Variants in HSD17B2 observed in about 807,000 individuals in gnomAD.
The protein encoded by HSD17B2 is 17-beta-hydroxysteroid dehydrogenase type 2.
Under a neutral mutation model 26.9 loss-of-function variants are expected in HSD17B2, and 32 were observed. The observed-to-expected ratio is 1.19, with a 90% CI of 0.90 to 1.60. The LOEUF is 1.60. Ranked by LOEUF, HSD17B2 falls within the 40% of genes most tolerant of loss-of-function variation. The pLI is 0.00. For missense variants in HSD17B2, 613 were observed against 468.6 expected (o/e 1.31, Z -2.85); for synonymous variants, 246 against 186.7 (o/e 1.32, Z -2.59).
chr16:82,036,165 C>T (rs144234197), intron 1 of HSD17B2, among the ~76,000 whole-genome samples: 254 of 152,270 alleles, frequency 1.7e-3, no homozygotes, highest in African/African-American at 5.8e-3. Context: ...CTTACCTGGG[C>T]TGGAGACTTT....
At chr16:82,095,973 C>G (rs576481840) in intron 4 of HSD17B2, 1 of 152,078 alleles carries the variant, frequency 6.6e-6, no homozygotes, top group East Asian at 1.9e-4. Context: ...TAAAAATATG[C>G]ACATCTCCTT....
chr16:82,068,100 T>C lies in HSD17B2; in HGVS notation c.266-70T>C, dbSNP rs565713512. 23 of 1,321,566 alleles carry C rather than the reference T, an allele frequency of 1.7e-5. No individual in the cohort carries two copies. In the African/African-American group the frequency reaches 2.6e-4, roughly 15 times the overall value. 81.9% of individuals were successfully genotyped at this position (1,321,566 alleles called of 1,614,324 possible). On this transcript the variant is annotated intron_variant, in intron 1 of 4. Transcript: ENST00000199936. ...GAGAATCGTAAACAACGTAATATGT[T>C]TTCCTTGTTAAATATTTTCTCCTGT... is the stretch of plus-strand genomic sequence containing the variant.
intron 1 of HSD17B2, among the ~76,000 whole-genome samples, chr16:82,042,258 G>C (rs1373104663): frequency 6.6e-6 from 1 of 151,736 alleles, no homozygotes; most frequent in Non-Finnish European, 1.5e-5. Context: ...TCCCGCCTCA[G>C]CCTCCCAAAG....
intron 3 of HSD17B2, among the ~76,000 whole-genome samples, chr16:82,081,500 G>T (rs1188909712): frequency 1.3e-5 from 2 of 152,136 alleles, no homozygotes; most frequent in Non-Finnish European, 2.9e-5. Context: ...TTCACTGCCT[G>T]GTTGGGTGAC....
At chr16:82,064,511 T>C (rs1277725572) in intron 1 of HSD17B2, among the ~76,000 whole-genome samples, 2 of 152,226 alleles carry the variant, frequency 1.3e-5, no homozygotes, top group Non-Finnish European at 1.5e-5. Flanking sequence ...TCATTTATCT[T>C]GGGTACACAC....
At chr16:82,079,993 G>C (rs1406174579) in intron 3 of HSD17B2, among the ~76,000 whole-genome samples, 2 of 152,006 alleles carry the variant, frequency 1.3e-5, no homozygotes, top group Non-Finnish European at 1.5e-5. Context: ...GAAGCACGTG[G>C]TTGCCCTGAC....
intron 3 of HSD17B2, among the ~76,000 whole-genome samples, chr16:82,083,164 C>T (rs547104869): frequency 4.7e-4 from 72 of 152,310 alleles, no homozygotes; most frequent in Middle Eastern, 3.4e-3. Flanking sequence ...TAAATACACT[C>T]CTACGGGTGG....
rs1454428160 is a variant in HSD17B2, at chr16:82,044,097, C to A, written c.265+8408C>A. 2.0e-5 allele frequency among the ~76,000 whole-genome samples: 3 copies of A among 152,318 alleles called. No individual in the cohort carries two copies. The East Asian group carries it at 5.8e-4, about 29-fold the overall frequency. On this transcript the variant is annotated intron_variant, in intron 1 of 4. Coordinates refer to ENST00000199936, the MANE Select transcript of HSD17B2 (RefSeq NM_002153.3). ...CCAGAACGTTCATCATTCTATTTAG[C>A]CTCCTCTGAACCATTTCCAGTTTCT... is the stretch of plus-strand genomic sequence containing the variant.
At chr16:82,036,693 G>T (rs1324756711) in intron 1 of HSD17B2, among the ~76,000 whole-genome samples, 1 of 152,136 alleles carries the variant, frequency 6.6e-6, no homozygotes, top group South Asian at 2.1e-4. Context: ...ATTGGTGCTT[G>T]TTGGGGTTAG....
In HSD17B2 at chr16:82,068,790, C is replaced by T. The variant is rs541814537; in HGVS notation, c.478+408C>T. On this transcript the variant is annotated intron_variant, in intron 2 of 4. Coordinates refer to ENST00000199936, the MANE Select transcript of HSD17B2 (RefSeq NM_002153.3). ...CTCTTTCCTTCATGGCTACGCTCCA[C>T]GGAACCCTGTAGCTCTGTGATTCTC... 1.1e-4 allele frequency among the ~76,000 whole-genome samples: 16 copies of T among 152,330 alleles called. No individual in the cohort carries two copies. The South Asian group carries it at 2.7e-3, about 26-fold the overall frequency.
intron 3 of HSD17B2, among the ~76,000 whole-genome samples, chr16:82,080,977 C>T (rs896108760): frequency 1.4e-4 from 22 of 151,974 alleles, no homozygotes; most frequent in African/African-American, 4.8e-4. Context: ...CGAAGGTCTT[C>T]AGTTGCCAGC....
chr16:82,043,712 A>T (rs1408253302), intron 1 of HSD17B2, among the ~76,000 whole-genome samples: 1 of 150,404 alleles, frequency 6.6e-6, no homozygotes, highest in Non-Finnish European at 1.5e-5. Context: ...AAAAAAAAAA[A>T]AATCATATAG....
intron 1 of HSD17B2, among the ~76,000 whole-genome samples, chr16:82,062,760 T>C (rs1220657215): frequency 3.3e-5 from 5 of 152,244 alleles, no homozygotes; most frequent in Non-Finnish European, 5.9e-5. Context: ...CAAACACCAC[T>C]GTTGGGTAAC....
rs75648620 is a variant in HSD17B2 at position 82,051,014 on chromosome 16, A to C, written c.265+15325A>C. ...ATGAGGACAAAATCCCTGCCAACTG[A>C]TAACTACTAGCTTAAATATTAACTT... On this transcript the variant is annotated intron_variant, in intron 1 of 4. Transcript: ENST00000199936. Among the ~76,000 whole-genome samples the C allele has an allele frequency of 6.1e-3, 925 of 152,314 alleles. 12 individuals are homozygous for C. Among genetic ancestry groups the C allele is most frequent in the African/African-American group, 0.02 (836 of 41,556 alleles).
At chr16:82,045,605 C>A (rs888514879) in intron 1 of HSD17B2, among the ~76,000 whole-genome samples, 2 of 152,238 alleles carry the variant, frequency 1.3e-5, no homozygotes, top group Non-Finnish European at 2.9e-5. Flanking sequence ...GCCTTCTGGG[C>A]CATTCATTAA....
rs758338863 is a variant in HSD17B2, at chr16:82,035,648, A to T, written c.224A>T (p.Gln75Leu). 6.2e-7 allele frequency: 1 copy of T among 1,613,776 alleles called. No individual in the cohort carries two copies. The highest frequency in any genetic ancestry group is 1.7e-5 in the Admixed American group (1 of 60,006). The change falls in exon 1 of 5, where the codon CAA becomes CTA. Residue 75 changes from glutamine to leucine, a missense_variant. Gln to Leu is a moderately radical substitution (Grantham distance 113). Coordinates refer to ENST00000199936, the MANE Select transcript of HSD17B2 (RefSeq NM_002153.3). The stretch of plus-strand genomic sequence containing the variant: ...CTCATGTATACTTACTTATCTGGCC[A>T]AGAATTGTTACCTGTGGATCAGAAG... ...CFLMYTYLSG[Q>L]ELLPVDQKAV...
intron 1 of HSD17B2, among the ~76,000 whole-genome samples, chr16:82,041,099 G>C (rs566082076): frequency 6.6e-6 from 1 of 152,178 alleles, no homozygotes; most frequent in Non-Finnish European, 1.5e-5. Context: ...AGGCATTATA[G>C]ATGGAGTGTT....
intron 1 of HSD17B2, among the ~76,000 whole-genome samples, chr16:82,057,343 C>G (rs962368098): frequency 6.6e-6 from 1 of 151,916 alleles, no homozygotes; most frequent in Non-Finnish European, 1.5e-5. Flanking sequence ...GGACTACAGG[C>G]GCGCACCAAC....
At chr16:82,054,169 G>T (rs1042848182) in intron 1 of HSD17B2, among the ~76,000 whole-genome samples, 2 of 147,608 alleles carry the variant, frequency 1.4e-5, no homozygotes, top group East Asian at 4.0e-4. Flanking sequence ...ACATGTAAGA[G>T]CCCTTTCTCC....
Sources: gnomAD v4.1 joint callset for allele counts (sites outside exome capture counted in the v4.1 genomes callset) on GRCh38, gnomAD v4.1.1 for gene constraint, MANE v1.5 for transcripts, NCBI Gene and HGNC (gene_info 2026-07-23, HGNC 2026-07-21) for gene names.